Variants in COA8 observed in about 807,000 individuals in gnomAD.
COA8 encodes the protein UPF0671 protein C14orf153.
Under a neutral mutation model 22.0 loss-of-function variants are expected in COA8, and 20 were observed. That is an observed-to-expected ratio of 0.91 (90% CI 0.64 to 1.32). COA8 has a LOEUF of 1.32. COA8 is among the 40% of genes most tolerant of loss of function. The probability of loss-of-function intolerance (pLI) is 0.00; values close to 1 mark genes in which losing one functional copy is unlikely to be tolerated. For synonymous variants in COA8, 105 were observed against 79.9 expected, an observed-to-expected ratio of 1.31 and a Z score of -1.68; for missense variants, 266 against 230.0, an observed-to-expected ratio of 1.16 and a Z score of -1.01.
chr14:103,571,013 G>A (rs539568433), intron 1 of COA8, among the ~76,000 whole-genome samples: 8 of 152,128 alleles, frequency 5.3e-5, no homozygotes, highest in Non-Finnish European at 1.0e-4. Flanking sequence ...ATCTCAAAAA[G>A]CCAATCTTAG....
chr14:103,590,400 A>G lies in COA8; in HGVS notation c.*114A>G, dbSNP rs1208898252. On this transcript the variant is annotated 3_prime_UTR_variant, in exon 5 of 5. Coordinates refer to ENST00000409074, the MANE Select transcript of COA8 (RefSeq NM_001370595.2). The stretch of plus-strand genomic sequence containing the variant: ...ATCTCAAGAAGCCCCACATCTTCCT[A>G]AGGGGCCCCATGGCCTGTTTGGGGG... 1 of 1,079,404 alleles carries G rather than the reference A, an allele frequency of 9.3e-7. No individual in the cohort carries two copies. Among genetic ancestry groups the G allele is most frequent in the Non-Finnish European group, 1.3e-6 (1 of 754,046 alleles). 66.9% of individuals were successfully genotyped at this position (1,079,404 alleles called of 1,614,324 possible).
At chr14:103,578,308 G>A (rs180794087) in intron 3 of COA8, among the ~76,000 whole-genome samples, 13 of 152,310 alleles carry the variant, frequency 8.5e-5, no homozygotes, top group Non-Finnish European at 1.6e-4. Context: ...TAGAAGAACG[G>A]ATAAGGCTGT....
At chr14:103,588,866 A>G (rs1353880424) in intron 4 of COA8, among the ~76,000 whole-genome samples, 1 of 152,172 alleles carries the variant, frequency 6.6e-6, no homozygotes, top group Non-Finnish European at 1.5e-5. Flanking sequence ...GATACAGTCA[A>G]AGGCTGGATG....
chr14:103,570,737 AAAAG>A (rs1369069125), intron 1 of COA8, among the ~76,000 whole-genome samples: 14 of 152,182 alleles, frequency 9.2e-5, no homozygotes, highest in African/African-American at 2.7e-4. Context: ...CATCTCAAAA[AAAAG>A]AAAGAGTTTA....
chr14:103,570,626 A>C (rs2076176214), intron 1 of COA8, among the ~76,000 whole-genome samples: 1 of 152,096 alleles, frequency 6.6e-6, no homozygotes, highest in South Asian at 2.1e-4. Context: ...CCAGCTACTC[A>C]GGAGGCTGAG....
chr14:103,576,410 G>A (rs1472931925), intron 3 of COA8, among the ~76,000 whole-genome samples: 1 of 152,162 alleles, frequency 6.6e-6, no homozygotes, highest in Non-Finnish European at 1.5e-5. Context: ...ACCATTATCT[G>A]GAGGAATGAT....
intron 1 of COA8, among the ~76,000 whole-genome samples, chr14:103,564,130 C>T (rs747102737): frequency 1.3e-5 from 2 of 150,406 alleles, no homozygotes; most frequent in Non-Finnish European, 1.5e-5. Flanking sequence ...TCCAGCCTGG[C>T]GACAGAGGGA....
Position 103,581,792 on chromosome 14 carries a change from G to A in COA8, c.386-5482G>A. ...ATTCCGGTGGCACTAGACCTGCCCGGGCGGCCAGAGGACACGTGGCTCCTG... is the reference window on the plus strand; with the variant it reads ...ATTCCGGTGGCACTAGACCTGCCCGAGCGGCCAGAGGACACGTGGCTCCTG... On this transcript the variant is annotated intron_variant, in intron 3 of 4. Coordinates refer to ENST00000409074, the MANE Select transcript of COA8 (RefSeq NM_001370595.2). The surrounding 1 kb of genome is among the most constrained non-coding windows in gnomAD (Gnocchi z 4.1). The A allele has an allele frequency of 2.5e-6, 1 of 393,990 alleles. No individual in the cohort carries two copies. The highest frequency in any genetic ancestry group is 4.5e-6 in the Non-Finnish European group (1 of 223,690). 24.4% of individuals were successfully genotyped at this position (393,990 alleles called of 1,614,324 possible).
chr14:103,574,197 T>C, intron 3 of COA8, 27 bp downstream of exon 3: 1 of 1,612,746 alleles, frequency 6.2e-7, no homozygotes, highest in Non-Finnish European at 8.5e-7. Flanking sequence ...GATTGTTTTT[T>C]TTGCTTTCTT....
chr14:103,574,922 A>T (rs1052153876), intron 3 of COA8, among the ~76,000 whole-genome samples: 1 of 152,172 alleles, frequency 6.6e-6, no homozygotes, highest in Non-Finnish European at 1.5e-5. Flanking sequence ...CACCTGTTGC[A>T]TTTCCCACAG....
In COA8 at chr14:103,566,589, G is replaced by A. The variant is rs574762165; in HGVS notation, c.123+3465G>A. On this transcript the variant is annotated intron_variant, in intron 1 of 4. Coordinates refer to ENST00000409074, the MANE Select transcript of COA8 (RefSeq NM_001370595.2). ...TGCACAGGTTCTTCATGAGGTGCCA[G>A]AGATACAGAAATGAATGTGTGTGCC... 5.9e-5 allele frequency among the ~76,000 whole-genome samples: 9 copies of A among 152,374 alleles called. No individual in the cohort carries two copies. In the South Asian group the frequency reaches 1.7e-3, roughly 28 times the overall value.
At chr14:103,583,628 C>T (rs2076284639) in intron 3 of COA8, among the ~76,000 whole-genome samples, 1 of 151,822 alleles carries the variant, frequency 6.6e-6, no homozygotes, top group African/African-American at 2.4e-5. Context: ...TTCTCCAACT[C>T]CTCAACACCA....
intron 1 of COA8, among the ~76,000 whole-genome samples, chr14:103,564,539 A>G (rs1485644174): frequency 6.6e-6 from 1 of 151,128 alleles, no homozygotes; most frequent in Non-Finnish European, 1.5e-5. Flanking sequence ...AACAGCACCC[A>G]AATAAGGATT....
At chr14:103,570,392 A>C (rs117133374) in intron 1 of COA8, among the ~76,000 whole-genome samples, 1 of 152,246 alleles carries the variant, frequency 6.6e-6, no homozygotes, top group East Asian at 1.9e-4. Flanking sequence ...CTTCTTGCCC[A>C]TTGCACAAAC....
At chr14:103,571,594 A>G (rs750849940) in intron 1 of COA8, 29 bp from the exon 2 acceptor site, 7 of 1,562,970 alleles carry the variant, frequency 4.5e-6, no homozygotes, top group Non-Finnish European at 5.3e-6. Flanking sequence ...TCATTTTGTC[A>G]TATGTTAATC....
Position 103,584,409 on chromosome 14 carries a change from T to C in COA8, c.386-2865T>C, listed in dbSNP as rs116681092. Among the ~76,000 whole-genome samples, 997 of 152,238 alleles carry C rather than the reference T, an allele frequency of 6.5e-3. 13 individuals are homozygous for C. Among genetic ancestry groups the C allele is most frequent in the African/African-American group, 0.023 (946 of 41,540 alleles). ...CTTTCCGGCCCCCATCCCGAAGCAG[T>C]ACAGGAGCCCACCAGAGCTGCCCCA... On this transcript the variant is annotated intron_variant, in intron 3 of 4. Transcript: ENST00000409074.
chr14:103,588,360 C>T (rs1167174564), intron 4 of COA8: 4 of 393,100 alleles, frequency 1.0e-5, no homozygotes, highest in Non-Finnish European at 1.3e-5. Context: ...AGGAGGACCA[C>T]TTGAGCCTGG....
chr14:103,585,167 C>T (rs1017285279), intron 3 of COA8, among the ~76,000 whole-genome samples: 4 of 150,152 alleles, frequency 2.7e-5, no homozygotes. Flanking sequence ...GATGATTTGT[C>T]TTTTTGTTGC....
At chr14:103,572,661 C>G (rs183690132) in intron 2 of COA8, among the ~76,000 whole-genome samples, 1 of 151,754 alleles carries the variant, frequency 6.6e-6, no homozygotes, top group East Asian at 1.9e-4. Flanking sequence ...ACCCAGGAGG[C>G]GGAGGTTGCA....
Sources: gnomAD v4.1 joint callset for allele counts (sites outside exome capture counted in the v4.1 genomes callset) on GRCh38, gnomAD v4.1.1 for gene constraint, Gnocchi (gnomAD v3.1) non-coding constraint, MANE v1.5 for transcripts, NCBI Gene and HGNC (gene_info 2026-07-23, HGNC 2026-07-21) for gene names.